AFF2: variants seen among roughly 807,000 people sequenced by gnomAD.
AFF2 encodes the protein ALF transcription elongation factor 2, also known as AF4/FMR2 family member 2.
In AFF2, 14 loss-of-function variants were observed where a neutral mutation model predicts 76.9. The observed-to-expected ratio is 0.18, with a 90% confidence interval of 0.12 to 0.28. The LOEUF is 0.28. AFF2 is among the 10% of genes least tolerant of loss of function. The probability of loss-of-function intolerance (pLI) is 1.00; values close to 1 mark genes in which losing one functional copy is unlikely to be tolerated. For synonymous variants in AFF2, 398 were observed against 366.7 expected (o/e 1.09, Z -0.98); for missense variants, 868 against 1,001.1 (o/e 0.87, Z 1.79).
At chrX:148,976,128 C>G (rs1557290250) in intron 16 of AFF2, among the ~76,000 whole-genome samples, 2 of 110,484 alleles carry the variant, frequency 1.8e-5, no homozygotes, top group African/African-American at 6.5e-5. Context: ...TCAATGAAAT[C>G]TGAAAGTCAA....
chrX:148,742,568 A>G (rs781925214), intron 3 of AFF2, among the ~76,000 whole-genome samples: 1 of 107,536 alleles, frequency 9.3e-6, no homozygotes, highest in African/African-American at 3.4e-5. Flanking sequence ...TTACTGCATC[A>G]GAGTCAGAAT....
intron 1 of AFF2, 51 bp downstream of exon 1, chrX:148,501,195 G>A: frequency 8.4e-7 from 1 of 1,196,987 alleles, no homozygotes; most frequent in Non-Finnish European, 1.1e-6. Flanking sequence ...TCCTGGCGAA[G>A]TCTGAGGTTT....
intron 3 of AFF2, among the ~76,000 whole-genome samples, chrX:148,716,192 A>G (rs1405896784): frequency 9.0e-6 from 1 of 111,407 alleles, no homozygotes; most frequent in African/African-American, 3.3e-5. Flanking sequence ...CAATCCTTTG[A>G]CCAGCTGTCC....
intron 1 of AFF2, among the ~76,000 whole-genome samples, chrX:148,580,084 C>G (rs1557244114): frequency 8.9e-6 from 1 of 112,093 alleles, no homozygotes; most frequent in Non-Finnish European, 1.9e-5. Context: ...AGACTGCAAA[C>G]TGAGCTGAAC....
At position 148,843,614 on chromosome X, in the gene AFF2, T is replaced by G. The variant is rs188676334; in HGVS notation, c.1262+181T>G. On this transcript the variant is annotated intron_variant, in intron 7 of 20. Coordinates refer to ENST00000370460, the MANE Select transcript of AFF2 (RefSeq NM_002025.4). ...CAAATTTCCCATTGTCTTAGTCTAC[T>G]TGGACTGCTATAACAAATACTATAA... 4.2e-3 allele frequency among the ~76,000 whole-genome samples: 467 copies of G among 111,614 alleles called. 2 individuals are homozygous for G. The highest frequency in any genetic ancestry group is 0.015 in the African/African-American group (456 of 30,737).
rs188587760 is a variant in AFF2 at position 148,761,284 on chromosome X, A to G, written c.1042-48592A>G. 3.5e-3 allele frequency among the ~76,000 whole-genome samples: 382 copies of G among 110,688 alleles called. 1 individual carries two copies. Among genetic ancestry groups the G allele is most frequent in the African/African-American group, 0.012 (369 of 30,434 alleles). ...TTGAGAGATTTTTCTTTCTTTTTTT[A>G]TTGTTTTAAACTACTATTTAGAACT... is the stretch of plus-strand genomic sequence containing the variant. On this transcript the variant is annotated intron_variant, in intron 3 of 20. Transcript: ENST00000370460.
Position 148,581,119 on chromosome X carries a change from A to C in AFF2, c.48-70880A>C, listed in dbSNP as rs782781338. 4.3e-4 allele frequency among the ~76,000 whole-genome samples: 44 copies of C among 102,563 alleles called. 3 individuals carry two copies. The Admixed American group carries it at 4.5e-3, about 11-fold the overall frequency. The allele number at this position is 102,563 out of a possible 115,157, so 89.1% of individuals were successfully genotyped here. ...TATGTATATATACACATACGTATAC[A>C]CACATATACGTATACGTATACACAC... On this transcript the variant is annotated intron_variant, in intron 1 of 20. Transcript: ENST00000370460.
intron 1 of AFF2, among the ~76,000 whole-genome samples, chrX:148,646,291 A>G (rs948062616): frequency 1.1e-4 from 12 of 112,052 alleles, no homozygotes; most frequent in Non-Finnish European, 2.1e-4. Flanking sequence ...GTGAAATTGT[A>G]GCTATATTAG....
At chrX:148,848,410 A>G (rs1262541879) in intron 7 of AFF2, among the ~76,000 whole-genome samples, 2 of 112,276 alleles carry the variant, frequency 1.8e-5, no homozygotes, top group Non-Finnish European at 3.8e-5. Context: ...CTAAAAAACA[A>G]TTGATATTCA....
At chrX:148,895,130 G>C (rs1454361753) in intron 8 of AFF2, among the ~76,000 whole-genome samples, 2 of 110,933 alleles carry the variant, frequency 1.8e-5, no homozygotes, top group Admixed American at 9.6e-5. Context: ...AGCCTTTTCC[G>C]AGTGCCTCTA....
intron 1 of AFF2, among the ~76,000 whole-genome samples, chrX:148,571,011 T>G (rs1557242444): frequency 8.9e-6 from 1 of 111,866 alleles, no homozygotes. Context: ...TATTTCCAAA[T>G]TAGGTTACAT....
chrX:148,589,413 GCTT>G (rs1557246310), intron 1 of AFF2, among the ~76,000 whole-genome samples: 1 of 112,328 alleles, frequency 8.9e-6, no homozygotes, highest in Non-Finnish European at 1.9e-5. Context: ...GGATGACTAT[GCTT>G]CTTTTACATT....
chrX:148,501,075 C>CCCGCCG lies in AFF2; in HGVS notation c.-14_-9dup, dbSNP rs782217302. ...CGCTGCGATCAGGGACAGGCGCCCG[C>CCCGCCG]CCGCCGCCGCCGCCTGGCCGCTATG... is the stretch of plus-strand genomic sequence containing the variant. On this transcript the variant is annotated 5_prime_UTR_variant, in exon 1 of 21. Coordinates refer to ENST00000370460, the MANE Select transcript of AFF2 (RefSeq NM_002025.4). The CCCGCCG allele has an allele frequency of 3.2e-5, 38 of 1,187,833 alleles. No homozygotes were observed. Among genetic ancestry groups the CCCGCCG allele is most frequent in the Non-Finnish European group, 4.1e-5 (36 of 884,830 alleles).
intron 1 of AFF2, among the ~76,000 whole-genome samples, chrX:148,646,111 G>A (rs868917368): frequency 3.6e-5 from 4 of 111,703 alleles, no homozygotes; most frequent in Non-Finnish European, 7.5e-5. Context: ...AAGTAGATTA[G>A]TAGTTGCTTA....
chrX:148,603,255 T>G (rs1368274054), intron 1 of AFF2, among the ~76,000 whole-genome samples: 1 of 112,021 alleles, frequency 8.9e-6, no homozygotes, highest in Non-Finnish European at 1.9e-5. Context: ...CAGTGTGTGA[T>G]TTCATGATTC....
chrX:148,873,073 G>A (rs1569556449), intron 7 of AFF2, among the ~76,000 whole-genome samples: 1 of 111,517 alleles, frequency 9.0e-6, no homozygotes, highest in Non-Finnish European at 1.9e-5. Context: ...TTAACCACAT[G>A]CCTGCCTTCG....
intron 3 of AFF2, among the ~76,000 whole-genome samples, chrX:148,773,431 C>G (rs1297019806): frequency 9.0e-6 from 1 of 110,537 alleles, no homozygotes; most frequent in Admixed American, 9.8e-5. Flanking sequence ...CTGTTTCCAG[C>G]TCTTATTAAC....
At chrX:148,711,194 GGA>G (rs1459966627) in intron 3 of AFF2, among the ~76,000 whole-genome samples, 3 of 111,308 alleles carry the variant, frequency 2.7e-5, no homozygotes, top group Non-Finnish European at 5.7e-5. Context: ...TTTTTCTAAT[GGA>G]GAACAAAGGC....
intron 3 of AFF2, among the ~76,000 whole-genome samples, chrX:148,677,676 C>G (rs2054500645): frequency 8.9e-6 from 1 of 112,354 alleles, no homozygotes; most frequent in South Asian, 3.7e-4. Flanking sequence ...TATGATACTT[C>G]CTGACTTTGT....
Sources: gnomAD v4.1 joint callset for allele counts (sites outside exome capture counted in the v4.1 genomes callset) on GRCh38, gnomAD v4.1.1 for gene constraint, MANE v1.5 for transcripts, NCBI Gene and HGNC (gene_info 2026-07-23, HGNC 2026-07-21) for gene names.